Variants in RHCE observed in about 807,000 individuals in gnomAD.
The protein encoded by RHCE is Rh blood group CcEe antigens.
RHCE carries 22 observed loss-of-function variants against 43.8 expected under a neutral mutation model. The observed-to-expected ratio is 0.50, with a 90% CI of 0.36 to 0.72. The LOEUF is 0.72. Among genes scored for constraint, RHCE ranks in the 30% least tolerant of loss-of-function variants. The pLI is 0.00. For missense variants in RHCE, 385 were observed against 525.4 expected (o/e 0.73, Z 2.61); for synonymous variants, 156 against 210.7 (o/e 0.74, Z 2.25).
intron 2 of RHCE, among the ~76,000 whole-genome samples, chr1:25,407,124 C>T (rs1461147141): frequency 8.2e-6 from 1 of 122,046 alleles, no homozygotes; most frequent in African/African-American, 2.5e-5. Flanking sequence ...GGTCTCACTG[C>T]GTTGCTCAGG....
chr1:25,417,658 T>C (rs574145464), intron 1 of RHCE, among the ~76,000 whole-genome samples: 3 of 152,254 alleles, frequency 2.0e-5, no homozygotes, highest in Non-Finnish European at 4.4e-5. Flanking sequence ...AATTTGAAAA[T>C]ATTATATATT....
At chr1:25,382,893 A>C (rs1280073850) in intron 7 of RHCE, among the ~76,000 whole-genome samples, 2 of 152,200 alleles carry the variant, frequency 1.3e-5, no homozygotes, top group Non-Finnish European at 2.9e-5. Flanking sequence ...AAATAGACTT[A>C]TTTTTACATT....
At chr1:25,421,306 C>T (rs2042756815), upstream of RHCE, among the ~76,000 whole-genome samples, 1 of 152,112 alleles carries the variant, frequency 6.6e-6, no homozygotes, top group African/African-American at 2.4e-5. Context: ...TGGAGCTGAG[C>T]CCTGGGGAGG....
At chr1:25,387,759 G>T (rs532029480) in intron 6 of RHCE, among the ~76,000 whole-genome samples, 95 of 151,784 alleles carry the variant, frequency 6.3e-4, no homozygotes, top group African/African-American at 2.3e-3. Flanking sequence ...TTCCATCCAT[G>T]TTGCTGCAAA....
In RHCE at chr1:25,408,779, T is replaced by C. The variant is rs757752798; in HGVS notation, c.239A>G (p.Asn80Ser). 44 of 1,281,940 alleles carry C rather than the reference T, an allele frequency of 3.4e-5. 17 individuals carry two copies. In the East Asian group the frequency reaches 1.6e-3, roughly 45 times the overall value. 79.4% of individuals were successfully genotyped at this position (1,281,940 alleles called of 1,614,324 possible). Residue 80 changes from asparagine to serine, a missense_variant, in exon 2 of 10, where the codon AAC (asparagine) becomes AGC (serine). Transcript: ENST00000294413. Reference sequence around the variant, plus strand: ...CACACCAAGCGCCAGCATGAAGAGGTTGAAGGCCACACTGCTCCAGCTGTG... The same window carrying C: ...CACACCAAGCGCCAGCATGAAGAGGCTGAAGGCCACACTGCTCCAGCTGTG... The part of the protein sequence containing the change: ...RRHSWSSVAF[N>S]LFMLALGVQW...
chr1:25,383,565 C>A (rs1416119054), intron 7 of RHCE, among the ~76,000 whole-genome samples: 3 of 152,142 alleles, frequency 2.0e-5, no homozygotes, highest in Non-Finnish European at 2.9e-5. Context: ...AGTTTGAGTA[C>A]CAGGACTAAG....
Position 25,416,553 on chromosome 1 carries a change from G to A in RHCE, c.148+4086C>T, listed in dbSNP as rs188887837. Among the ~76,000 whole-genome samples the A allele has an allele frequency of 3.4e-3, 512 of 152,046 alleles. 2 individuals are homozygous for A. Among genetic ancestry groups the A allele is most frequent in the African/African-American group, 1.0e-2 (414 of 41,470 alleles). ...GCTGGGATTACAGGCGTGAGCCACC[G>A]CACCCAGCCTTTATGTTTTATTTAT... On this transcript the variant is annotated intron_variant, in intron 1 of 9. Transcript: ENST00000294413.
At chr1:25,411,546 A>T in intron 1 of RHCE, 3 of 1,303,140 alleles carry the variant, frequency 2.3e-6, no homozygotes, top group Non-Finnish European at 3.1e-6. Flanking sequence ...GATATAGGAG[A>T]CCCCCAAGGA....
rs144348222 is a variant in RHCE at position 25,408,732 on chromosome 1, C to T, written c.286G>A (p.Gly96Ser). ...LGVQWAILLD[G>S]FLSQFPPGKV... is the part of the protein sequence containing the mutation. Reference sequence around the variant, plus strand: ...CCAGGAGGGAACTGGCTCAGGAAGCCGTCCAGCAGGATTGCCCACTGCACA... The same window carrying T: ...CCAGGAGGGAACTGGCTCAGGAAGCTGTCCAGCAGGATTGCCCACTGCACA... Residue 96 changes from glycine (G) to serine (S), a missense_variant, in exon 2 of 10, where the codon GGC becomes AGC. Gly to Ser is a moderately conservative substitution (Grantham distance 56). Transcript: ENST00000294413. The T allele has an allele frequency of 1.3e-4, 168 of 1,282,118 alleles. 44 individuals carry two copies. Among genetic ancestry groups the T allele is most frequent in the Non-Finnish European group, 1.6e-4 (151 of 962,570 alleles). The allele number at this position is 1,282,118 out of a possible 1,614,324, so 79.4% of individuals were successfully genotyped here. A position where few individuals can be genotyped will look rare whatever the true frequency, so the allele number is the denominator to read the frequency against.
upstream of RHCE, among the ~76,000 whole-genome samples, chr1:25,422,938 G>A (rs2042778165): frequency 6.6e-6 from 1 of 152,164 alleles, no homozygotes; most frequent in Non-Finnish European, 1.5e-5. Context: ...CTGCTGATCT[G>A]ACAGGAGGCG....
At chr1:25,420,942 A>C (rs1322693507), upstream of RHCE, 1 of 1,473,030 alleles carries the variant, frequency 6.8e-7, no homozygotes, top group Non-Finnish European at 9.2e-7. Context: ...CTATGGAGTT[A>C]ACACGGAAGC....
At chr1:25,375,252 GA>G in intron 8 of RHCE, 96 bp downstream of exon 8, 3 of 1,159,718 alleles carry the variant, frequency 2.6e-6, no homozygotes, top group Non-Finnish European at 2.6e-6. Context: ...CAGGGAAGGA[GA>G]TGGGGCACAT....
chr1:25,393,142 G>A (rs1646432966), intron 3 of RHCE, among the ~76,000 whole-genome samples: 1 of 152,184 alleles, frequency 6.6e-6, no homozygotes, highest in Non-Finnish European at 1.5e-5. Context: ...GCTGTCAGCT[G>A]TGCTTTCTAA....
At chr1:25,379,484 TATATATATATA>T (rs1337347459) in intron 7 of RHCE, among the ~76,000 whole-genome samples, 610 of 16,722 alleles carry the variant, frequency 0.036, 4 homozygotes, top group Middle Eastern at 0.05. Flanking sequence ...TATATATATA[TATATATATATA>T]TTTTTTTTTT....
intron 7 of RHCE, among the ~76,000 whole-genome samples, chr1:25,381,399 T>C (rs592494): frequency 9.2e-5 from 14 of 152,192 alleles, no homozygotes; most frequent in African/African-American, 1.4e-4. Flanking sequence ...TGGGGTCTTC[T>C]TTTAAGCCCT....
chr1:25,390,966 T>G (rs768116364), intron 4 of RHCE, 51 bp from the exon 5 acceptor site: 4 of 1,612,986 alleles, frequency 2.5e-6, no homozygotes, highest in Non-Finnish European at 1.7e-6. Flanking sequence ...GCTCCAAAGG[T>G]CTGAGCCTCG....
intron 1 of RHCE, among the ~76,000 whole-genome samples, chr1:25,410,809 G>A (rs1198364163): frequency 6.6e-6 from 1 of 152,046 alleles, no homozygotes; most frequent in African/African-American, 2.4e-5. Flanking sequence ...TCACTAAATT[G>A]CCACCAGTTG....
At chr1:25,421,854 C>T (rs779360670), upstream of RHCE, among the ~76,000 whole-genome samples, 14 of 152,188 alleles carry the variant, frequency 9.2e-5, no homozygotes, top group Non-Finnish European at 1.9e-4. Flanking sequence ...CCACTGGCCA[C>T]TGAGTGTAAA....
At chr1:25,372,200 G>A (rs1645630702) in intron 8 of RHCE, among the ~76,000 whole-genome samples, 2 of 151,682 alleles carry the variant, frequency 1.3e-5, no homozygotes, top group Admixed American at 1.3e-4. Flanking sequence ...AGCAGCCCAA[G>A]CGTTTTGTGT....
Sources: allele counts gnomAD v4.1 joint callset (sites outside exome capture counted in the v4.1 genomes callset), GRCh38; gene constraint gnomAD v4.1.1; transcripts MANE v1.5; gene names NCBI Gene and HGNC (gene_info 2026-07-23, HGNC 2026-07-21).